The following CADPS2 variants were observed in gnomAD, a reference collection of about 807,000 sequenced individuals.
The protein encoded by CADPS2 is calcium-dependent secretion activator 2.
A neutral mutation model predicts 172.5 loss-of-function variants in CADPS2; 93 were observed. The observed-to-expected ratio is 0.54, with a 90% confidence interval of 0.46 to 0.64. CADPS2 has a LOEUF of 0.64. CADPS2 is among the 30% of genes least tolerant of loss of function. CADPS2 has a pLI of 0.00. For synonymous variants in CADPS2, 546 were observed against 555.2 expected (o/e 0.98, Z 0.23); for missense variants, 1,420 against 1,565.9 (o/e 0.91, Z 1.57).
intron 8 of CADPS2, among the ~76,000 whole-genome samples, chr7:122,546,188 T>C (rs777777484): frequency 6.6e-6 from 1 of 152,172 alleles, no homozygotes; most frequent in Non-Finnish European, 1.5e-5. Context: ...TGAACACACA[T>C]CTATCACGCT....
rs2077644833 is a variant in CADPS2 at position 122,641,548 on chromosome 7, A to G, written c.787-12220T>C. Among the ~76,000 whole-genome samples, 4 of 152,306 alleles carry G rather than the reference A, an allele frequency of 2.6e-5. No individual in the cohort carries two copies. The South Asian group carries it at 8.3e-4, about 32-fold the overall frequency. On this transcript the variant is annotated intron_variant, in intron 3 of 29. Coordinates refer to ENST00000449022, the MANE Select transcript of CADPS2 (RefSeq NM_017954.11). ...CAAAAGGGTGATTAATTGAAAAGAG[A>G]TAAAGAACCATGAATCTTCTGTATG...
Position 122,523,742 on chromosome 7 carries a change from C to T in CADPS2, c.1476-10427G>A, listed in dbSNP as rs887424797. ...CATGTTTTTCCTCAATTTAAATACC[C>T]TTCAAAATTTTTGTCTACACATGCT... On this transcript the variant is annotated intron_variant, in intron 8 of 29. Transcript: ENST00000449022. Among the ~76,000 whole-genome samples, 13 of 152,174 alleles carry T rather than the reference C, an allele frequency of 8.5e-5. No individual in the cohort carries two copies. The East Asian group carries it at 2.5e-3, about 29-fold the overall frequency.
chr7:122,437,232 T>G (rs2151937306), intron 17 of CADPS2, among the ~76,000 whole-genome samples: 1 of 152,264 alleles, frequency 6.6e-6, no homozygotes, highest in Non-Finnish European at 1.5e-5. Context: ...TTAATGAAGT[T>G]AAAATGGTAA....
chr7:122,697,440 T>A (rs985835241), intron 2 of CADPS2, among the ~76,000 whole-genome samples: 31 of 152,174 alleles, frequency 2.0e-4, no homozygotes, highest in African/African-American at 7.5e-4. Flanking sequence ...ATATTACATA[T>A]CAGTAATTTT....
At chr7:122,526,842 C>A (rs930522576) in intron 8 of CADPS2, among the ~76,000 whole-genome samples, 2 of 152,144 alleles carry the variant, frequency 1.3e-5, no homozygotes, top group Non-Finnish European at 2.9e-5. Context: ...TTACTCCCCA[C>A]ACAAGACTGC....
chr7:122,473,422 C>G (rs890641070), intron 13 of CADPS2, among the ~76,000 whole-genome samples: 1 of 152,132 alleles, frequency 6.6e-6, no homozygotes, highest in African/African-American at 2.4e-5. Flanking sequence ...CTTAATTAGG[C>G]TAAGGTTTTT....
At chr7:122,600,223 T>C (rs549302608) in intron 6 of CADPS2, among the ~76,000 whole-genome samples, 1 of 152,162 alleles carries the variant, frequency 6.6e-6, no homozygotes, top group South Asian at 2.1e-4. Flanking sequence ...TTAGCCTCTT[T>C]GCAAACAGAA....
At chr7:122,804,754 A>G (rs1798423091) in intron 1 of CADPS2, among the ~76,000 whole-genome samples, 1 of 152,172 alleles carries the variant, frequency 6.6e-6, no homozygotes, top group African/African-American at 2.4e-5. Context: ...AAATTCTTAT[A>G]TGCTCTGTAA....
intron 1 of CADPS2, among the ~76,000 whole-genome samples, chr7:122,791,761 G>C (rs555593705): frequency 6.6e-6 from 1 of 152,170 alleles, no homozygotes; most frequent in South Asian, 2.1e-4. Context: ...TAAAATGTTA[G>C]TTCAAAATTA....
chr7:122,775,653 C>T (rs1291224875), intron 1 of CADPS2, among the ~76,000 whole-genome samples: 1 of 152,152 alleles, frequency 6.6e-6, no homozygotes, highest in African/African-American at 2.4e-5. Flanking sequence ...TTGATTATCA[C>T]CATCCAGAAT....
intron 9 of CADPS2, among the ~76,000 whole-genome samples, chr7:122,503,030 CTTT>C (rs11293004): frequency 3.6e-4 from 37 of 102,772 alleles, no homozygotes; most frequent in South Asian, 3.4e-4. Flanking sequence ...GAGAAAAAAA[CTTT>C]TTTTTTTTTT....
Position 122,319,944 on chromosome 7 carries a change from TC to T in CADPS2, c.*220del. Reference sequence around the variant, plus strand: ...AACTACACAAAAGAGGATGCTCTTCTCCAAAAAAACAAACAAACAAACAAAC... The same window carrying T: ...AACTACACAAAAGAGGATGCTCTTCTCAAAAAAACAAACAAACAAACAAAC... On this transcript the variant is annotated 3_prime_UTR_variant, in exon 30 of 30. Coordinates refer to ENST00000449022, the MANE Select transcript of CADPS2 (RefSeq NM_017954.11). The T allele has an allele frequency of 2.4e-6, 1 of 416,564 alleles. No homozygotes were observed. 25.8% of individuals were successfully genotyped at this position (416,564 alleles called of 1,614,324 possible).
chr7:122,349,149 C>T (rs748513458), intron 27 of CADPS2, among the ~76,000 whole-genome samples: 3 of 151,976 alleles, frequency 2.0e-5, no homozygotes, highest in Non-Finnish European at 4.4e-5. Flanking sequence ...ACTATAACTA[C>T]ACATTCTGAT....
chr7:122,412,094 C>T (rs2047386058), intron 19 of CADPS2, among the ~76,000 whole-genome samples: 1 of 152,230 alleles, frequency 6.6e-6, no homozygotes, highest in Admixed American at 6.5e-5. Context: ...TACTTCTACA[C>T]CTGAGCTGTA....
In CADPS2 at chr7:122,437,337, C is replaced by T. The variant is rs199579125; in HGVS notation, c.2476+1004G>A. 1.6e-4 allele frequency among the ~76,000 whole-genome samples: 24 copies of T among 152,040 alleles called. No individual in the cohort carries two copies. In the East Asian group the frequency reaches 3.7e-3, roughly 23 times the overall value. ...GTTAATCACTCAGGAGGTTGGTTAT[C>T]GTATGCTTGTTAGAAAGCTTGACCA... On this transcript the variant is annotated intron_variant, in intron 17 of 29. Coordinates refer to ENST00000449022, the MANE Select transcript of CADPS2 (RefSeq NM_017954.11).
intron 1 of CADPS2, among the ~76,000 whole-genome samples, chr7:122,836,948 G>A (rs2190255): frequency 1.3e-5 from 2 of 151,650 alleles, no homozygotes; most frequent in Admixed American, 1.3e-4. Context: ...TCTACAGAAC[G>A]CTCCACCCCA....
chr7:122,333,292 T>C (rs1182761820), intron 28 of CADPS2, among the ~76,000 whole-genome samples: 1 of 152,234 alleles, frequency 6.6e-6, no homozygotes, highest in East Asian at 1.9e-4. Context: ...TGGTACAACT[T>C]AGTCTTGAGA....
intron 1 of CADPS2, among the ~76,000 whole-genome samples, chr7:122,761,074 A>G (rs2093364046): frequency 6.6e-6 from 1 of 152,174 alleles, no homozygotes; most frequent in Admixed American, 6.5e-5. Flanking sequence ...AAAAATTATC[A>G]TGAAACATAT....
intron 28 of CADPS2, among the ~76,000 whole-genome samples, chr7:122,339,994 TTATAA>T (rs1313680735): frequency 2.0e-5 from 3 of 152,230 alleles, no homozygotes; most frequent in African/African-American, 7.2e-5. Flanking sequence ...GCACATTCAC[TTATAA>T]TATTTTCATT....
Sources: gnomAD v4.1 joint callset for allele counts (sites outside exome capture counted in the v4.1 genomes callset) on GRCh38, gnomAD v4.1.1 for gene constraint, MANE v1.5 for transcripts, NCBI Gene and HGNC (gene_info 2026-07-23, HGNC 2026-07-21) for gene names.